EYA2: variants seen among roughly 807,000 people sequenced by gnomAD.
The protein encoded by EYA2 is protein phosphatase EYA2.
A neutral mutation model predicts 69.2 loss-of-function variants in EYA2; 31 were observed. The ratio of observed to expected loss-of-function variants is 0.45; its 90% confidence interval spans 0.34 to 0.60. The LOEUF is 0.60. EYA2 is among the 20% of genes least tolerant of loss of function. The pLI is 0.02. For synonymous variants in EYA2, 257 were observed against 279.4 expected, an observed-to-expected ratio of 0.92 and a Z score of 0.80; for missense variants, 622 against 701.2, an observed-to-expected ratio of 0.89 and a Z score of 1.28.
At chr20:47,037,551 CTTA>C (rs758242894) in intron 5 of EYA2, among the ~76,000 whole-genome samples, 8 of 152,218 alleles carry the variant, frequency 5.3e-5, no homozygotes, top group Non-Finnish European at 1.0e-4. Flanking sequence ...TGTCAGAAGT[CTTA>C]CTGGGCTAAA....
At chr20:47,118,876 G>T (rs187539911) in intron 9 of EYA2, among the ~76,000 whole-genome samples, 1 of 152,136 alleles carries the variant, frequency 6.6e-6, no homozygotes, top group Admixed American at 6.6e-5. Flanking sequence ...CCGCTTTCTT[G>T]CCCCACCTCT....
In EYA2 at chr20:47,097,712, G is replaced by C. The variant is rs977563711; in HGVS notation, c.888+544G>C. On this transcript the variant is annotated intron_variant, in intron 9 of 15. Transcript: ENST00000327619. The stretch of plus-strand genomic sequence containing the variant: ...CTAGGCAAATGCTATTGGCTGAATC[G>C]TGGTGGATGGAAGAGACCTTGAAAC... Among the ~76,000 whole-genome samples the C allele has an allele frequency of 2.0e-5, 3 of 152,302 alleles. No homozygotes were observed. In the South Asian group the frequency reaches 6.2e-4, roughly 32 times the overall value.
At chr20:47,060,534 C>T (rs1200001915) in intron 5 of EYA2, among the ~76,000 whole-genome samples, 1 of 152,238 alleles carries the variant, frequency 6.6e-6, no homozygotes. Flanking sequence ...GAATGCAAGA[C>T]TTAGTCTTCA....
intron 5 of EYA2, among the ~76,000 whole-genome samples, chr20:47,044,575 C>T (rs529916122): frequency 1.3e-5 from 2 of 152,300 alleles, no homozygotes; most frequent in East Asian, 1.9e-4. Context: ...GGCTGGGTCT[C>T]ACTAAGAAGT....
At chr20:47,097,265 G>C in intron 9 of EYA2, 97 bp downstream of exon 9, 1 of 923,412 alleles carries the variant, frequency 1.1e-6, no homozygotes, top group East Asian at 2.8e-5. Context: ...TTATGAGGCA[G>C]CTTCTCCAAC....
At chr20:46,973,810 A>C (rs986694134) in intron 1 of EYA2, among the ~76,000 whole-genome samples, 7 of 151,916 alleles carry the variant, frequency 4.6e-5, no homozygotes, top group African/African-American at 9.6e-5. Context: ...AAAAAAAAAA[A>C]CCCTCATCGT....
chr20:47,031,065 C>T (rs1264840500), intron 5 of EYA2, among the ~76,000 whole-genome samples: 3 of 152,294 alleles, frequency 2.0e-5, no homozygotes, highest in East Asian at 3.9e-4. Context: ...AATTCAGTTG[C>T]AACACGCAGT....
At chr20:47,025,326 G>A (rs1251420865) in intron 5 of EYA2, among the ~76,000 whole-genome samples, 3 of 152,142 alleles carry the variant, frequency 2.0e-5, no homozygotes, top group Non-Finnish European at 4.4e-5. Context: ...TGATTTTAGT[G>A]CACAGGTTTG....
intron 1 of EYA2, 117 bp from the exon 2 acceptor site, chr20:46,989,881 TAAG>T (rs934356295): frequency 1.2e-5 from 6 of 517,242 alleles, no homozygotes; most frequent in Non-Finnish European, 1.8e-5. Context: ...GTAGAATTTA[TAAG>T]AAGTCTGGGT....
intron 7 of EYA2, among the ~76,000 whole-genome samples, chr20:47,084,543 TAAAG>T (rs891880603): frequency 9.9e-5 from 15 of 151,744 alleles, no homozygotes; most frequent in African/African-American, 2.7e-4. Context: ...TCTCAAAAAA[TAAAG>T]AAATAAAAAT....
chr20:46,900,159 A>C (rs1019487978), intron 1 of EYA2, among the ~76,000 whole-genome samples: 3 of 152,208 alleles, frequency 2.0e-5, no homozygotes, highest in African/African-American at 7.2e-5. Flanking sequence ...AATAGATACG[A>C]ACGTATCTAC....
At chr20:46,904,708 C>T (rs1313786341) in intron 1 of EYA2, among the ~76,000 whole-genome samples, 2 of 152,220 alleles carry the variant, frequency 1.3e-5, no homozygotes, top group African/African-American at 2.4e-5. Context: ...CAAAGACGCA[C>T]GGCCCCTCCC....
At chr20:47,017,002 G>A (rs1458771378) in intron 5 of EYA2, among the ~76,000 whole-genome samples, 2 of 152,200 alleles carry the variant, frequency 1.3e-5, no homozygotes, top group African/African-American at 2.4e-5. Flanking sequence ...CCAGGCAGGA[G>A]GATCAAGGCT....
chr20:47,008,126 C>T lies in EYA2; in HGVS notation c.298+3042C>T, dbSNP rs76796569. On this transcript the variant is annotated intron_variant, in intron 4 of 15. Transcript: ENST00000327619. ...TAGAGGCAGAATTGACAGGTCCTGT[C>T]GAGGCATCAGTCCAGGCTTAGTAAT... Among the ~76,000 whole-genome samples, 52 of 152,284 alleles carry T rather than the reference C, an allele frequency of 3.4e-4. 2 individuals carry two copies. The East Asian group carries it at 9.9e-3, about 29-fold the overall frequency.
intron 9 of EYA2, among the ~76,000 whole-genome samples, chr20:47,142,643 A>T (rs774007903): frequency 6.6e-6 from 1 of 152,198 alleles, no homozygotes; most frequent in Admixed American, 6.5e-5. Flanking sequence ...CAACATCCCA[A>T]CTCTCCCAGT....
chr20:46,946,020 A>G (rs541802794), intron 1 of EYA2, among the ~76,000 whole-genome samples: 2 of 151,842 alleles, frequency 1.3e-5, no homozygotes, highest in Non-Finnish European at 2.9e-5. Flanking sequence ...AACCCTAAGC[A>G]CTCTTCGAGG....
intron 8 of EYA2, among the ~76,000 whole-genome samples, chr20:47,095,384 A>T (rs1371674732): frequency 1.3e-5 from 2 of 152,130 alleles, no homozygotes; most frequent in Admixed American, 6.5e-5. Flanking sequence ...AATTTCACAA[A>T]AAGAAAACAG....
chr20:46,962,764 T>G (rs1443022111), intron 1 of EYA2, among the ~76,000 whole-genome samples: 2 of 152,246 alleles, frequency 1.3e-5, no homozygotes, highest in African/African-American at 4.8e-5. Context: ...TTTACATGCC[T>G]GAAGCAGACA....
intron 9 of EYA2, among the ~76,000 whole-genome samples, chr20:47,135,841 AC>A (rs144027187): frequency 0.09 from 7,367 of 81,432 alleles, 1,262 homozygotes; most frequent in African/African-American, 0.38. Flanking sequence ...AAAAAAAAAA[AC>A]AAACAAACAA....
Sources: gnomAD v4.1 joint callset for allele counts (sites outside exome capture counted in the v4.1 genomes callset) on GRCh38, gnomAD v4.1.1 for gene constraint, MANE v1.5 for transcripts, NCBI Gene and HGNC (gene_info 2026-07-23, HGNC 2026-07-21) for gene names.